Variants in LINGO2 observed in about 807,000 individuals in gnomAD.
LINGO2 encodes leucine-rich repeat and immunoglobulin-like domain-containing nogo receptor-interacting protein 2.
Under a neutral mutation model 30.6 loss-of-function variants are expected in LINGO2, and 14 were observed. The observed-to-expected ratio is 0.46, with a 90% CI of 0.30 to 0.72. The LOEUF is 0.72. LINGO2 is among the 30% of genes least tolerant of loss of function. The probability of loss-of-function intolerance (pLI) is 0.07; values close to 1 mark genes in which losing one functional copy is unlikely to be tolerated. For missense variants in LINGO2, 729 were observed against 751.7 expected, an observed-to-expected ratio of 0.97 and a Z score of 0.35; for synonymous variants, 317 against 288.5, an observed-to-expected ratio of 1.10 and a Z score of -1.00.
chr9:28,784,781 G>A, the LINGO2 span, among the ~76,000 whole-genome samples: 3 of 151,858 alleles, frequency 2.0e-5, no homozygotes, highest in Non-Finnish European at 4.4e-5. Flanking sequence ...GTGAAACCCC[G>A]TCTCTACTAA....
At chr9:28,302,594 C>T (rs535540915) in intron 3 of LINGO2, among the ~76,000 whole-genome samples, 14 of 152,174 alleles carry the variant, frequency 9.2e-5, no homozygotes, top group African/African-American at 3.4e-4. Flanking sequence ...TCACCTGAAC[C>T]CAGGAAGTTG....
At chr9:28,409,608 C>T (rs1368905561) in intron 2 of LINGO2, among the ~76,000 whole-genome samples, 1 of 142,444 alleles carries the variant, frequency 7.0e-6, no homozygotes, top group African/African-American at 2.5e-5. Context: ...GCTGGCTTAA[C>T]AGATGTGCAG....
At chr9:28,771,753 T>C in the LINGO2 span, among the ~76,000 whole-genome samples, 6 of 152,128 alleles carry the variant, frequency 3.9e-5, no homozygotes, top group Admixed American at 3.9e-4. Flanking sequence ...TTAGGAAAGA[T>C]TGGCTATTAG....
the LINGO2 span, among the ~76,000 whole-genome samples, chr9:28,761,850 G>T: frequency 6.6e-6 from 1 of 151,902 alleles, no homozygotes; most frequent in Non-Finnish European, 1.5e-5. Flanking sequence ...CTTACATAAG[G>T]ACTAATTTTG....
intron 4 of LINGO2, among the ~76,000 whole-genome samples, chr9:28,235,606 G>A (rs574713576): frequency 7.2e-5 from 11 of 152,288 alleles, no homozygotes; most frequent in South Asian, 2.1e-4. Context: ...ACGCAGAGAC[G>A]AAATTCAGAA....
At chr9:28,655,859 C>T (rs1296691638) in intron 1 of LINGO2, among the ~76,000 whole-genome samples, 1 of 152,094 alleles carries the variant, frequency 6.6e-6, no homozygotes, top group Non-Finnish European at 1.5e-5. Flanking sequence ...AATTAAACTT[C>T]TTTCCTTTGT....
chr9:29,128,792 T>G, the LINGO2 span, among the ~76,000 whole-genome samples: 1,326 of 152,212 alleles, frequency 8.7e-3, 20 homozygotes, highest in African/African-American at 0.03. Context: ...TTTGTGTGTG[T>G]ATATATGACT....
At chr9:28,779,057 T>C in the LINGO2 span, among the ~76,000 whole-genome samples, 2 of 152,180 alleles carry the variant, frequency 1.3e-5, no homozygotes, top group Non-Finnish European at 2.9e-5. Flanking sequence ...ATTTTTATAA[T>C]ATGCTTGTGC....
chr9:28,916,818 G>T, the LINGO2 span, among the ~76,000 whole-genome samples: 1 of 152,140 alleles, frequency 6.6e-6, no homozygotes, highest in Non-Finnish European at 1.5e-5. Flanking sequence ...TTGGTTTACA[G>T]GTTCCATTTT....
intron 4 of LINGO2, among the ~76,000 whole-genome samples, chr9:28,133,367 A>G (rs1827429034): frequency 6.6e-6 from 1 of 152,148 alleles, no homozygotes; most frequent in Non-Finnish European, 1.5e-5. Context: ...TCTGCTTCAT[A>G]TTTATAATTA....
intron 1 of LINGO2, among the ~76,000 whole-genome samples, chr9:28,592,351 T>C (rs1316513539): frequency 6.6e-6 from 1 of 152,052 alleles, no homozygotes; most frequent in Non-Finnish European, 1.5e-5. Context: ...AAATAACTGA[T>C]ATTTGTAAAT....
At chr9:29,152,518 G>A in the LINGO2 span, among the ~76,000 whole-genome samples, 3 of 152,072 alleles carry the variant, frequency 2.0e-5, no homozygotes, top group Admixed American at 2.0e-4. Flanking sequence ...TGCAACTGGA[G>A]GTCATTATCC....
chr9:28,885,350 T>A, the LINGO2 span, among the ~76,000 whole-genome samples: 1 of 39,666 alleles, frequency 2.5e-5, no homozygotes, highest in South Asian at 6.5e-4. Flanking sequence ...AGCAGGGAGA[T>A]ATATATATAT....
chr9:28,837,669 T>TATATATATATATATATATATAG, the LINGO2 span, among the ~76,000 whole-genome samples: 1 of 122,278 alleles, frequency 8.2e-6, no homozygotes, highest in South Asian at 2.7e-4. Flanking sequence ...TACATATATA[T>TATATATATATATATATATATAG]ATATATATAT....
the LINGO2 span, among the ~76,000 whole-genome samples, chr9:28,924,826 T>G: frequency 2.6e-5 from 4 of 152,238 alleles, no homozygotes; most frequent in Non-Finnish European, 5.9e-5. Context: ...ATCCTCTTGA[T>G]GAAGTGACCT....
intron 4 of LINGO2, among the ~76,000 whole-genome samples, chr9:28,238,906 G>GA (rs1201643639): frequency 1.3e-5 from 2 of 151,388 alleles, no homozygotes; most frequent in Non-Finnish European, 3.0e-5. Flanking sequence ...GACTAGCTAA[G>GA]AAAAAAAGAG....
chr9:28,954,394 T>C, the LINGO2 span, among the ~76,000 whole-genome samples: 1 of 152,300 alleles, frequency 6.6e-6, no homozygotes, highest in African/African-American at 2.4e-5. Context: ...GATATTAAGA[T>C]GGTGTTTATT....
At chr9:28,128,966 T>C (rs541300953) in intron 4 of LINGO2, among the ~76,000 whole-genome samples, 1 of 152,176 alleles carries the variant, frequency 6.6e-6, no homozygotes, top group South Asian at 2.1e-4. Context: ...AAGCAGGAGG[T>C]AGAAGGAGCT....
chr9:29,016,103 C>G, the LINGO2 span, among the ~76,000 whole-genome samples: 1 of 152,158 alleles, frequency 6.6e-6, no homozygotes, highest in Non-Finnish European at 1.5e-5. Flanking sequence ...GATTCTGATT[C>G]TGACATATAA....
Sources: allele counts gnomAD v4.1 joint callset (sites outside exome capture counted in the v4.1 genomes callset), GRCh38; gene constraint gnomAD v4.1.1; transcripts MANE v1.5; gene names NCBI Gene and HGNC (gene_info 2026-07-23, HGNC 2026-07-21).